The following CFDP1 variants were observed in gnomAD, a reference collection of about 807,000 sequenced individuals.
The protein encoded by CFDP1 is chromatin remodeling protein CFDP1.
In CFDP1, 31 loss-of-function variants were observed where a neutral mutation model predicts 40.1. The observed-to-expected ratio is 0.77, with a 90% CI of 0.58 to 1.04. The LOEUF (loss-of-function observed/expected upper bound fraction) is 1.04. CFDP1 is among the 50% of genes least tolerant of loss of function. The pLI, the probability that CFDP1 is intolerant of heterozygous loss-of-function variation, is 0.00. For synonymous variants in CFDP1, 167 were observed against 120.0 expected (o/e 1.39, Z -2.56); for missense variants, 423 against 343.4 (o/e 1.23, Z -1.83).
At chr16:75,329,861 A>G (rs899013316) in intron 5 of CFDP1, among the ~76,000 whole-genome samples, 4 of 152,224 alleles carry the variant, frequency 2.6e-5, no homozygotes, top group African/African-American at 9.6e-5. Context: ...TGCTAGGGAT[A>G]CAGAAGAGTA....
rs1032233172 is a variant in CFDP1, at chr16:75,323,528, C to G, written c.651-18346G>C. 1.4e-4 allele frequency among the ~76,000 whole-genome samples: 21 copies of G among 151,778 alleles called. 2 individuals are homozygous for G. The highest frequency in any genetic ancestry group is 1.1e-3 in the Admixed American group (17 of 15,234). On this transcript the variant is annotated intron_variant, in intron 5 of 6. Coordinates refer to ENST00000283882, the MANE Select transcript of CFDP1 (RefSeq NM_006324.3). ...GGGTACAGTGGCTCACGCCTGTAAT[C>G]CCAGCACTTGTGAAGGCCGAGGCAG...
intron 4 of CFDP1, among the ~76,000 whole-genome samples, chr16:75,404,142 T>C (rs937355656): frequency 2.0e-5 from 3 of 151,266 alleles, no homozygotes; most frequent in Non-Finnish European, 2.9e-5. Context: ...AAAATAATAA[T>C]AGTAATTATT....
intron 5 of CFDP1, among the ~76,000 whole-genome samples, chr16:75,384,058 G>C (rs570423156): frequency 7.9e-4 from 120 of 152,108 alleles, no homozygotes; most frequent in Non-Finnish European, 1.5e-3. Context: ...TTTGGTAACA[G>C]TTTTCAAAAG....
intron 5 of CFDP1, among the ~76,000 whole-genome samples, chr16:75,382,656 T>A (rs1451840010): frequency 2.0e-5 from 3 of 152,252 alleles, no homozygotes; most frequent in African/African-American, 7.2e-5. Flanking sequence ...GCAGACGTGA[T>A]GCTTGTGGTT....
intron 5 of CFDP1, among the ~76,000 whole-genome samples, chr16:75,383,680 A>G (rs957859765): frequency 2.0e-5 from 3 of 152,210 alleles, no homozygotes; most frequent in Non-Finnish European, 4.4e-5. Context: ...TTAGCCGGGC[A>G]TGGTGGTGGG....
At chr16:75,427,743 T>C (rs145374815) in intron 1 of CFDP1, among the ~76,000 whole-genome samples, 51 of 152,312 alleles carry the variant, frequency 3.3e-4, no homozygotes, top group Non-Finnish European at 6.0e-4. Context: ...CTCCTAGATA[T>C]TGACTCAAGT....
At chr16:75,428,150 A>G (rs1446523158) in intron 1 of CFDP1, among the ~76,000 whole-genome samples, 1 of 147,212 alleles carries the variant, frequency 6.8e-6, no homozygotes, top group African/African-American at 2.5e-5. Flanking sequence ...TTTTTTTAAG[A>G]GGGTTGACGG....
At chr16:75,362,737 T>C (rs2078688028) in intron 5 of CFDP1, 1 of 152,202 alleles carries the variant, frequency 6.6e-6, no homozygotes, top group South Asian at 2.1e-4. Flanking sequence ...CAACTGTAGT[T>C]CACGGTGGCC....
intron 5 of CFDP1, among the ~76,000 whole-genome samples, chr16:75,335,220 A>C: frequency 6.6e-6 from 1 of 152,196 alleles, no homozygotes; most frequent in East Asian, 1.9e-4. Context: ...CTTGATTTAC[A>C]ATTACGTGTT....
intron 6 of CFDP1, among the ~76,000 whole-genome samples, chr16:75,303,392 AATAAATAAATGTATGT>A (rs896083282): frequency 3.1e-5 from 2 of 64,122 alleles, no homozygotes; most frequent in African/African-American, 7.5e-5. Flanking sequence ...TAAATAAATA[AATAAATAAATGTATGT>A]ATGTATGTAT....
intron 4 of CFDP1, among the ~76,000 whole-genome samples, chr16:75,407,738 AT>A (rs2079115047): frequency 6.6e-6 from 1 of 152,118 alleles, no homozygotes; most frequent in Non-Finnish European, 1.5e-5. Context: ...TCACTAAAAA[AT>A]AACTGTAATT....
At chr16:75,306,191 A>G (rs1372604931) in intron 5 of CFDP1, among the ~76,000 whole-genome samples, 4 of 152,202 alleles carry the variant, frequency 2.6e-5, no homozygotes, top group Admixed American at 2.0e-4. Context: ...TACTGATAAT[A>G]ATACCTTTAC....
chr16:75,367,493 T>C (rs1028515463), intron 5 of CFDP1, among the ~76,000 whole-genome samples: 6 of 150,496 alleles, frequency 4.0e-5, no homozygotes, highest in Non-Finnish European at 7.4e-5. Flanking sequence ...AAAATGAGAC[T>C]TAAAAGACTT....
chr16:75,312,341 C>A (rs1263127638), intron 5 of CFDP1, among the ~76,000 whole-genome samples: 1 of 152,134 alleles, frequency 6.6e-6, no homozygotes, highest in Non-Finnish European at 1.5e-5. Context: ...GATTTTTAAA[C>A]CTTTTGTGGC....
chr16:75,339,109 C>G (rs183481233), intron 5 of CFDP1, among the ~76,000 whole-genome samples: 57 of 152,210 alleles, frequency 3.7e-4, no homozygotes, highest in Non-Finnish European at 6.8e-4. Flanking sequence ...CTGTCTCCTC[C>G]TCCTAGAACT....
chr16:75,347,850 T>C (rs2078580687), intron 5 of CFDP1, among the ~76,000 whole-genome samples: 1 of 152,134 alleles, frequency 6.6e-6, no homozygotes, highest in Non-Finnish European at 1.5e-5. Flanking sequence ...CCAACATCCA[T>C]AACCTCATTC....
intron 5 of CFDP1, among the ~76,000 whole-genome samples, chr16:75,326,249 T>C (rs1474838335): frequency 2.6e-5 from 4 of 152,208 alleles, no homozygotes; most frequent in Admixed American, 2.0e-4. Flanking sequence ...TTGCTTTTGT[T>C]TGTTTGGTTT....
chr16:75,424,228 T>A (rs1204900445), intron 1 of CFDP1, among the ~76,000 whole-genome samples: 1 of 152,228 alleles, frequency 6.6e-6, no homozygotes, highest in African/African-American at 2.4e-5. Flanking sequence ...GCTAAGTTAC[T>A]ATCTAACTGG....
At chr16:75,337,959 C>T (rs975665355) in intron 5 of CFDP1, among the ~76,000 whole-genome samples, 4 of 152,166 alleles carry the variant, frequency 2.6e-5, no homozygotes, top group African/African-American at 9.7e-5. Context: ...CCAAACCTGG[C>T]CTCAATTTTT....
Sources: allele counts gnomAD v4.1 joint callset (sites outside exome capture counted in the v4.1 genomes callset), GRCh38; gene constraint gnomAD v4.1.1; transcripts MANE v1.5; gene names NCBI Gene and HGNC (gene_info 2026-07-23, HGNC 2026-07-21).